MEIKIN: variants seen among roughly 807,000 people sequenced by gnomAD.
MEIKIN encodes meiotic kinetochore factor.
intron 9 of MEIKIN, among the ~76,000 whole-genome samples, chr5:131,869,296 G>A (rs1251681003): frequency 6.6e-6 from 1 of 152,116 alleles, no homozygotes; most frequent in East Asian, 1.9e-4. Context: ...ATATTTATAT[G>A]GGTCTATTTC....
chr5:131,930,042 A>G (rs962049450), intron 5 of MEIKIN, among the ~76,000 whole-genome samples: 2 of 152,168 alleles, frequency 1.3e-5, no homozygotes, highest in Non-Finnish European at 2.9e-5. Flanking sequence ...TATATCCAGT[A>G]ATAGGATTGT....
rs141773849 is a variant in MEIKIN, at chr5:131,926,820, T to C, written c.479-4879A>G. Reference sequence around the variant, plus strand: ...CAATTTATTGTCCTATAATTGGGCATGGTAGTCTCATGATTATTTTTGTTT... The same window carrying C: ...CAATTTATTGTCCTATAATTGGGCACGGTAGTCTCATGATTATTTTTGTTT... On this transcript the variant is annotated intron_variant, in intron 5 of 12. Coordinates refer to ENST00000442687, the MANE Select transcript of MEIKIN (RefSeq NM_001303622.2). Among the ~76,000 whole-genome samples the C allele has an allele frequency of 4.7e-3, 716 of 152,292 alleles. 8 individuals carry two copies. Among genetic ancestry groups the C allele is most frequent in the African/African-American group, 0.016 (679 of 41,580 alleles).
At chr5:131,827,384 A>G (rs1014427959) in intron 11 of MEIKIN, among the ~76,000 whole-genome samples, 3 of 152,238 alleles carry the variant, frequency 2.0e-5, no homozygotes, top group Admixed American at 2.0e-4. Context: ...TCACAGAAAT[A>G]AGTCCAAATG....
chr5:131,860,784 G>A (rs1208471824), intron 9 of MEIKIN, among the ~76,000 whole-genome samples: 1 of 79,402 alleles, frequency 1.3e-5, no homozygotes, highest in Non-Finnish European at 2.4e-5. Flanking sequence ...TTTTTTGAGA[G>A]AGAGTCTTGC....
intron 8 of MEIKIN, among the ~76,000 whole-genome samples, chr5:131,885,288 C>T (rs1215081781): frequency 1.4e-5 from 2 of 148,132 alleles, no homozygotes; most frequent in Non-Finnish European, 3.0e-5. Flanking sequence ...GAATTGGAGG[C>T]CACAGAGGTG....
At chr5:131,865,550 G>A (rs1468024770) in intron 9 of MEIKIN, among the ~76,000 whole-genome samples, 2 of 152,166 alleles carry the variant, frequency 1.3e-5, no homozygotes, top group Non-Finnish European at 2.9e-5. Context: ...ATCTGTTGCT[G>A]GAGAATTATT....
intron 7 of MEIKIN, among the ~76,000 whole-genome samples, chr5:131,915,036 T>G (rs1751395804): frequency 6.6e-6 from 1 of 152,164 alleles, no homozygotes; most frequent in Non-Finnish European, 1.5e-5. Flanking sequence ...TTAGCTCTCC[T>G]GAGATTCTCT....
At chr5:131,907,915 C>A (rs1751270359) in intron 8 of MEIKIN, among the ~76,000 whole-genome samples, 1 of 151,914 alleles carries the variant, frequency 6.6e-6, no homozygotes, top group Non-Finnish European at 1.5e-5. Flanking sequence ...CAGGACAATA[C>A]AAGTAACAAG....
intron 11 of MEIKIN, among the ~76,000 whole-genome samples, chr5:131,842,041 C>G (rs1212615785): frequency 6.6e-6 from 1 of 151,878 alleles, no homozygotes; most frequent in Non-Finnish European, 1.5e-5. Flanking sequence ...CACTCTGTCT[C>G]CAGTCTGGAG....
rs1234284858 is a variant in MEIKIN at position 131,942,647 on chromosome 5, C to G, written c.337G>C (p.Glu113Gln). The change falls in exon 4 of 13, where the codon GAA (glutamate) becomes CAA (glutamine). Residue 113 changes from glutamate (E) to glutamine (Q), a missense_variant. By Grantham distance (29) the Glu-to-Gln change is conservative. Transcript: ENST00000442687. Reference protein sequence around the residue: ...LQVDSSSSNSELVSGLSLHHG... With the variant: ...LQVDSSSSNSQLVSGLSLHHG... ...TTGACAGTCTTACCTGATACTAGTT[C>G]ACTATTTGATGAACTACTATCAACC... is the stretch of plus-strand genomic sequence containing the variant. 1.0e-5 allele frequency: 4 copies of G among 398,330 alleles called. No individual in the cohort carries two copies. Among genetic ancestry groups the G allele is most frequent in the Non-Finnish European group, 1.8e-5 (4 of 225,772 alleles). 24.7% of individuals were successfully genotyped at this position (398,330 alleles called of 1,614,324 possible). A position where few individuals can be genotyped will look rare whatever the true frequency, so the allele number is the denominator to read the frequency against.
At chr5:131,893,897 G>A (rs1012957513) in intron 8 of MEIKIN, among the ~76,000 whole-genome samples, 1 of 152,246 alleles carries the variant, frequency 6.6e-6, no homozygotes, top group East Asian at 1.9e-4. Context: ...GAGATCTTTA[G>A]TTTAATTAGA....
At chr5:131,844,445 T>A (rs1749974594) in intron 11 of MEIKIN, among the ~76,000 whole-genome samples, 1 of 152,164 alleles carries the variant, frequency 6.6e-6, no homozygotes, top group South Asian at 2.1e-4. Flanking sequence ...ATTTCTAGCC[T>A]GCAGTACAGG....
chr5:131,870,775 A>T (rs1750476021), intron 9 of MEIKIN, among the ~76,000 whole-genome samples: 1 of 152,120 alleles, frequency 6.6e-6, no homozygotes, highest in African/African-American at 2.4e-5. Context: ...CTCTCCTATC[A>T]AACACCCTAG....
intron 5 of MEIKIN, among the ~76,000 whole-genome samples, chr5:131,928,382 C>T (rs370043842): frequency 5.9e-5 from 9 of 152,004 alleles, no homozygotes; most frequent in African/African-American, 1.2e-4. Flanking sequence ...TTGTATATAT[C>T]GATAATGCTT....
chr5:131,838,192 G>C (rs1323320956), intron 11 of MEIKIN, among the ~76,000 whole-genome samples: 1 of 152,086 alleles, frequency 6.6e-6, no homozygotes, highest in African/African-American at 2.4e-5. Context: ...TTGCATCCCA[G>C]GGATAAAGCC....
chr5:131,822,022 AC>A (rs1221528122), intron 11 of MEIKIN, among the ~76,000 whole-genome samples: 1 of 151,730 alleles, frequency 6.6e-6, no homozygotes, highest in Non-Finnish European at 1.5e-5. Flanking sequence ...TACTGAACTG[AC>A]CCCTTTATCT....
chr5:131,879,745 G>A (rs1015912927), intron 8 of MEIKIN, among the ~76,000 whole-genome samples: 2 of 151,992 alleles, frequency 1.3e-5, no homozygotes, highest in African/African-American at 4.8e-5. Flanking sequence ...TACCTCACTG[G>A]ACCTTACTAC....
intron 11 of MEIKIN, among the ~76,000 whole-genome samples, chr5:131,834,731 A>G (rs1348793712): frequency 6.6e-6 from 1 of 152,144 alleles, no homozygotes; most frequent in African/African-American, 2.4e-5. Flanking sequence ...TGTTGTTCTC[A>G]TATCTTGACT....
At chr5:131,836,643 C>A (rs1160722341) in intron 11 of MEIKIN, among the ~76,000 whole-genome samples, 1 of 151,866 alleles carries the variant, frequency 6.6e-6, no homozygotes, top group African/African-American at 2.4e-5. Context: ...TTTCTCTAAT[C>A]ATCAGTGATG....
Sources: allele counts gnomAD v4.1 joint callset (sites outside exome capture counted in the v4.1 genomes callset), GRCh38; gene constraint gnomAD v4.1.1; transcripts MANE v1.5; gene names NCBI Gene and HGNC (gene_info 2026-07-23, HGNC 2026-07-21).